The following CNIH3 variants were observed in gnomAD, a reference collection of about 807,000 sequenced individuals.
CNIH3 encodes protein cornichon homolog 3.
CNIH3 carries 14 observed loss-of-function variants against 24.1 expected under a neutral mutation model. The observed-to-expected ratio is 0.58, with a 90% CI of 0.38 to 0.91. CNIH3 has a LOEUF of 0.91. CNIH3 is among the 40% of genes least tolerant of loss of function. The probability of loss-of-function intolerance (pLI) is 0.00; values close to 1 mark genes in which losing one functional copy is unlikely to be tolerated. For missense variants in CNIH3, 178 were observed against 196.8 expected, an observed-to-expected ratio of 0.90 and a Z score of 0.57; for synonymous variants, 68 against 73.8, an observed-to-expected ratio of 0.92 and a Z score of 0.40.
In CNIH3 at chr1:224,505,032, CCCTTCCTTCCTT is replaced by C. The variant is rs1181782404; in HGVS notation, n.204-10688_204-10677del. Among the ~76,000 whole-genome samples, 32 of 45,872 alleles carry C rather than the reference CCCTTCCTTCCTT, an allele frequency of 7.0e-4. 1 individual carries two copies. The highest frequency in any genetic ancestry group is 2.9e-3 in the African/African-American group (28 of 9,710). The allele number at this position is 45,872 out of a possible 152,430, so 30.1% of individuals were successfully genotyped here. ...TCCCTCCCTCCCTCCCTCCCTCCCT[CCCTTCCTTCCTT>C]CCTTCCTTCCTTCCTTCCTTTCTTG... On this transcript the variant is annotated intron_variant and non_coding_transcript_variant, in intron 1 of 5. Transcript: ENST00000471578.
intron 4 of CNIH3, among the ~76,000 whole-genome samples, chr1:224,569,047 T>C (rs1159225061): frequency 1.3e-5 from 2 of 152,152 alleles, no homozygotes; most frequent in Non-Finnish European, 2.9e-5. Flanking sequence ...TTTGTATTTT[T>C]AGTAGAGACG....
intron 3 of CNIH3, among the ~76,000 whole-genome samples, chr1:224,693,425 G>A (rs1558301018): frequency 2.0e-5 from 3 of 152,264 alleles, no homozygotes; most frequent in East Asian, 1.9e-4. Context: ...TATTTCTCAC[G>A]AGTCCATGGG....
At chr1:224,709,882 C>G (rs1443116447) in intron 3 of CNIH3, among the ~76,000 whole-genome samples, 9 of 152,142 alleles carry the variant, frequency 5.9e-5, no homozygotes. Context: ...CCTGAAGTTG[C>G]AGATAGTACC....
chr1:224,616,786 G>A lies in CNIH3; in HGVS notation c.-389G>A, dbSNP rs1362372074. The A allele has an allele frequency of 1.9e-6, 2 of 1,046,176 alleles. No homozygotes were observed. The highest frequency in any genetic ancestry group is 2.3e-6 in the Non-Finnish European group (2 of 869,214). 64.8% of individuals were successfully genotyped at this position (1,046,176 alleles called of 1,614,324 possible). A position where few individuals can be genotyped will look rare whatever the true frequency, so the allele number is the denominator to read the frequency against. On this transcript the variant is annotated 5_prime_UTR_variant, in exon 1 of 6. Transcript: ENST00000272133. ...AGAAAAGCAGAGAGCTCTTCCTGGG[G>A]CGAATGGGACCTCCTCCCTCGGTCC... is the stretch of plus-strand genomic sequence containing the variant.
chr1:224,539,062 C>T (rs542165266), downstream of CNIH3, among the ~76,000 whole-genome samples: 2 of 148,674 alleles, frequency 1.3e-5, no homozygotes, highest in Non-Finnish European at 3.0e-5. Flanking sequence ...CCTATATTCA[C>T]CTCTAAATTT....
chr1:224,610,482 C>T (rs1399038472), intron 3 of CNIH3, among the ~76,000 whole-genome samples: 3 of 152,266 alleles, frequency 2.0e-5, no homozygotes, highest in East Asian at 3.9e-4. Context: ...TTTCTCTCTC[C>T]TGCTGCCATG....
downstream of CNIH3, among the ~76,000 whole-genome samples, chr1:224,590,103 C>T (rs1267470198): frequency 6.6e-6 from 1 of 152,164 alleles, no homozygotes; most frequent in Non-Finnish European, 1.5e-5. Flanking sequence ...TCTCAAACTC[C>T]TGACCTCATG....
At chr1:224,483,314 C>T (rs896842252) in intron 1 of CNIH3, among the ~76,000 whole-genome samples, 3 of 151,890 alleles carry the variant, frequency 2.0e-5, no homozygotes, top group Non-Finnish European at 2.9e-5. Context: ...TGCAGCACTG[C>T]ACTCCAGTCT....
At chr1:224,615,610 A>G (rs1460290394), upstream of CNIH3, 1 of 152,184 alleles carries the variant, frequency 6.6e-6, no homozygotes, top group Non-Finnish European at 1.5e-5. Context: ...AAAACGGTCT[A>G]CCTTCAAAAG....
chr1:224,647,471 G>A (rs1572652566), intron 1 of CNIH3, among the ~76,000 whole-genome samples: 1 of 152,348 alleles, frequency 6.6e-6, no homozygotes, highest in Non-Finnish European at 1.5e-5. Flanking sequence ...CCTGGGTGTC[G>A]GGGTGGAGAC....
At chr1:224,541,835 C>T (rs774805240), downstream of CNIH3, among the ~76,000 whole-genome samples, 1 of 152,142 alleles carries the variant, frequency 6.6e-6, no homozygotes, top group Non-Finnish European at 1.5e-5. Context: ...ACACAGAAAA[C>T]GACTGTATCT....
chr1:224,478,637 G>A (rs926311808), intron 1 of CNIH3, among the ~76,000 whole-genome samples: 8 of 152,120 alleles, frequency 5.3e-5, no homozygotes, highest in Admixed American at 2.6e-4. Flanking sequence ...GTCTCTCTGG[G>A]ATTGGTTCCT....
At chr1:224,485,753 A>G (rs1215239751) in intron 1 of CNIH3, among the ~76,000 whole-genome samples, 3 of 152,248 alleles carry the variant, frequency 2.0e-5, no homozygotes, top group Non-Finnish European at 2.9e-5. Flanking sequence ...AGCATGAGCC[A>G]GGATGCCCAG....
At chr1:224,712,373 A>C (rs1688202312) in intron 3 of CNIH3, among the ~76,000 whole-genome samples, 1 of 152,160 alleles carries the variant, frequency 6.6e-6, no homozygotes, top group African/African-American at 2.4e-5. Context: ...TACAAGCTGA[A>C]GGTCTTGTCC....
chr1:224,542,988 G>A (rs2124952080), intron 2 of CNIH3, among the ~76,000 whole-genome samples: 1 of 152,290 alleles, frequency 6.6e-6, no homozygotes, highest in East Asian at 1.9e-4. Flanking sequence ...TAGGCCTCTA[G>A]ACAGCTTCTG....
rs1240375134 is a variant in CNIH3 at position 224,739,472 on chromosome 1, C to G, written c.*116C>G. The G allele has an allele frequency of 6.5e-7, 1 of 1,549,912 alleles. No individual in the cohort carries two copies. Among genetic ancestry groups the G allele is most frequent in the Non-Finnish European group, 8.7e-7 (1 of 1,150,802 alleles). Reference sequence around the variant, plus strand: ...AATGAGGATACGTGAGAAATAGACCCGGCAGGCAGTCAGACTGAATGGGAG... The same window carrying G: ...AATGAGGATACGTGAGAAATAGACCGGGCAGGCAGTCAGACTGAATGGGAG... On this transcript the variant is annotated 3_prime_UTR_variant, in exon 6 of 6. Coordinates refer to ENST00000272133, the MANE Select transcript of CNIH3 (RefSeq NM_152495.2).
chr1:224,466,096 C>T (rs747609655), intron 1 of CNIH3, among the ~76,000 whole-genome samples: 1 of 152,144 alleles, frequency 6.6e-6, no homozygotes. Context: ...AGGGTTTAGT[C>T]AGATTTTACC....
intron 3 of CNIH3, among the ~76,000 whole-genome samples, chr1:224,560,265 A>G (rs1044331073): frequency 6.6e-6 from 1 of 152,216 alleles, no homozygotes; most frequent in African/African-American, 2.4e-5. Flanking sequence ...TTTCTGGGTC[A>G]CAGGATGAGC....
intron 3 of CNIH3, among the ~76,000 whole-genome samples, chr1:224,551,368 T>A (rs945704987): frequency 6.6e-6 from 1 of 152,176 alleles, no homozygotes; most frequent in African/African-American, 2.4e-5. Flanking sequence ...GTGGCACATA[T>A]ACACCATGAA....
Sources: allele counts gnomAD v4.1 joint callset (sites outside exome capture counted in the v4.1 genomes callset), GRCh38; gene constraint gnomAD v4.1.1; transcripts MANE v1.5; gene names NCBI Gene and HGNC (gene_info 2026-07-23, HGNC 2026-07-21).